LPAR3: variants seen among roughly 807,000 people sequenced by gnomAD.
LPAR3 encodes the protein LPA receptor 3.
A neutral mutation model predicts 17.8 loss-of-function variants in LPAR3; 7 were observed. The observed-to-expected ratio is 0.39, with a 90% CI of 0.22 to 0.74. LPAR3 has a LOEUF of 0.74. Ranked by LOEUF, LPAR3 falls within the 30% of genes least tolerant of loss-of-function variation. The probability of loss-of-function intolerance (pLI) is 0.40; values close to 1 mark genes in which losing one functional copy is unlikely to be tolerated. For missense variants in LPAR3, 391 were observed against 453.4 expected (o/e 0.86, Z 1.25); for synonymous variants, 179 against 179.9 (o/e 0.99, Z 0.04).
At chr1:84,862,813 T>C (rs912511418) in intron 2 of LPAR3, among the ~76,000 whole-genome samples, 1 of 152,176 alleles carries the variant, frequency 6.6e-6, no homozygotes, top group Admixed American at 6.5e-5. Context: ...TGAATCTCTC[T>C]CAGCAACAGT....
intron 1 of LPAR3, among the ~76,000 whole-genome samples, chr1:84,875,090 G>A (rs12022604): frequency 0.093 from 14,206 of 151,994 alleles, 866 homozygotes; most frequent in Admixed American, 0.21. Flanking sequence ...AGTAGAGACG[G>A]GGTTTCACCA....
At chr1:84,830,170 T>A (rs1659254183) in intron 2 of LPAR3, among the ~76,000 whole-genome samples, 1 of 152,210 alleles carries the variant, frequency 6.6e-6, no homozygotes, top group African/African-American at 2.4e-5. Context: ...CTAGTTCTGC[T>A]AGTTCTCTCT....
intron 2 of LPAR3, among the ~76,000 whole-genome samples, chr1:84,827,701 C>T (rs983477652): frequency 5.9e-5 from 9 of 152,054 alleles, no homozygotes; most frequent in African/African-American, 2.2e-4. Context: ...AGCAGATGAC[C>T]GCATCTGGTA....
At chr1:84,821,405 C>G (rs764602127) in intron 2 of LPAR3, among the ~76,000 whole-genome samples, 2 of 152,042 alleles carry the variant, frequency 1.3e-5, no homozygotes, top group Non-Finnish European at 1.5e-5. Context: ...GGTAGTTCTT[C>G]GAAGATTTTT....
chr1:84,856,767 T>C (rs879869402), intron 2 of LPAR3, among the ~76,000 whole-genome samples: 1 of 152,212 alleles, frequency 6.6e-6, no homozygotes, highest in African/African-American at 2.4e-5. Context: ...CATCCTATAA[T>C]AGAGCTCTAT....
intron 1 of LPAR3, among the ~76,000 whole-genome samples, chr1:84,877,183 C>T (rs1660274819): frequency 6.6e-6 from 1 of 152,160 alleles, no homozygotes; most frequent in African/African-American, 2.4e-5. Flanking sequence ...TGATGTCTGG[C>T]AAGGGGTAAG....
chr1:84,851,556 A>C (rs929659436), intron 2 of LPAR3, among the ~76,000 whole-genome samples: 8 of 152,266 alleles, frequency 5.3e-5, no homozygotes, highest in African/African-American at 1.9e-4. Flanking sequence ...AATTCTTTTA[A>C]TATATAAATA....
At chr1:84,880,901 G>A (rs1660352589) in intron 1 of LPAR3, among the ~76,000 whole-genome samples, 1 of 152,176 alleles carries the variant, frequency 6.6e-6, no homozygotes, top group Non-Finnish European at 1.5e-5. Flanking sequence ...CCCAGAGAGG[G>A]GAAGCATGGA....
chr1:84,883,302 C>G (rs1042297483), intron 1 of LPAR3, among the ~76,000 whole-genome samples: 11 of 152,198 alleles, frequency 7.2e-5, no homozygotes, highest in African/African-American at 2.7e-4. Context: ...AATCCTTTCC[C>G]TCACACTGGG....
intron 2 of LPAR3, 84 bp downstream of exon 2, chr1:84,865,301 G>C: frequency 2.8e-6 from 4 of 1,426,694 alleles, no homozygotes; most frequent in Non-Finnish European, 3.8e-6. Flanking sequence ...TTACTGCCTA[G>C]TAAGTGCCTG....
At chr1:84,871,662 G>A (rs752160477) in intron 1 of LPAR3, among the ~76,000 whole-genome samples, 7 of 152,162 alleles carry the variant, frequency 4.6e-5, no homozygotes, top group Non-Finnish European at 1.0e-4. Flanking sequence ...CAGCAATCAC[G>A]TCTGTTCACT....
chr1:84,852,642 A>T (rs1050311988), intron 2 of LPAR3, among the ~76,000 whole-genome samples: 1 of 152,126 alleles, frequency 6.6e-6, no homozygotes, highest in Non-Finnish European at 1.5e-5. Flanking sequence ...AGACGTTCAC[A>T]TGGAGGGGTT....
intron 1 of LPAR3, among the ~76,000 whole-genome samples, chr1:84,880,040 T>A (rs994048845): frequency 2.0e-5 from 3 of 152,184 alleles, no homozygotes; most frequent in African/African-American, 4.8e-5. Context: ...TATCAAAACA[T>A]CACAATGTGC....
chr1:84,842,115 A>T (rs1014901506), intron 2 of LPAR3, among the ~76,000 whole-genome samples: 7 of 152,214 alleles, frequency 4.6e-5, no homozygotes, highest in African/African-American at 1.7e-4. Flanking sequence ...TAGTTCCAGG[A>T]TGTTCCTTAG....
rs1660040053 is a variant in LPAR3, at chr1:84,865,989, A to G, written c.132T>C (p.Ile44=). 6.2e-7 allele frequency: 1 copy of G among 1,614,082 alleles called. No homozygotes were observed. The highest frequency in any genetic ancestry group is 1.3e-5 in the African/African-American group (1 of 74,918). Residue 44 remains isoleucine (I), a synonymous_variant, in exon 2 of 3, where the codon ATT becomes ATC. Coordinates refer to ENST00000370611, the MANE Select transcript of LPAR3 (RefSeq NM_012152.3). ...CGATGACCAGAGAATTAGAAAAAAA[A>G]ATAAACAGGCAGAAAAACGTCCCAA... ...LCVGTFFCLF[I]FFSNSLVIAA...
intron 2 of LPAR3, among the ~76,000 whole-genome samples, chr1:84,847,128 G>C (rs976051460): frequency 3.3e-5 from 5 of 152,116 alleles, no homozygotes; most frequent in African/African-American, 4.8e-5. Flanking sequence ...ACTGAAGCTG[G>C]ATTCATCCTT....
chr1:84,838,264 A>T (rs756723872), intron 2 of LPAR3, among the ~76,000 whole-genome samples: 6 of 152,120 alleles, frequency 3.9e-5, no homozygotes, highest in African/African-American at 1.2e-4. Context: ...TGCTAAGAAA[A>T]CTGTGCCAGC....
At position 84,865,830 on chromosome 1, in the gene LPAR3, CAA is replaced by C; in HGVS notation, c.289_290del (p.Leu97AspfsTer15). 1 of 1,614,110 alleles carries C rather than the reference CAA, an allele frequency of 6.2e-7. No homozygotes were observed. ...GACGGAGAAACCAGCGGTTGACAGT[CAA>C]AGTTTTTGAAACTGGGCCTGTGTTA... is the stretch of plus-strand genomic sequence containing the variant. ...MFNTGPVSKT[L>X]TVNRWFLRQG... On this transcript the variant is annotated frameshift_variant, in exon 2 of 3. Transcript: ENST00000370611. LOFTEE classifies it high-confidence loss of function.
chr1:84,889,351 A>G (rs1004478688), intron 1 of LPAR3, among the ~76,000 whole-genome samples: 2 of 152,220 alleles, frequency 1.3e-5, no homozygotes, highest in Non-Finnish European at 2.9e-5. Context: ...GACCCAAGTC[A>G]GCAAGAAGGC....
Sources: allele counts gnomAD v4.1 joint callset (sites outside exome capture counted in the v4.1 genomes callset), GRCh38; gene constraint gnomAD v4.1.1; transcripts MANE v1.5; gene names NCBI Gene and HGNC (gene_info 2026-07-23, HGNC 2026-07-21).